PAX5: variants seen among roughly 807,000 people sequenced by gnomAD.
PAX5 encodes the protein paired box protein Pax-5.
PAX5 carries 9 observed loss-of-function variants against 43.7 expected under a neutral mutation model. The observed-to-expected ratio is 0.21, with a 90% CI of 0.12 to 0.36. PAX5 has a LOEUF of 0.36. PAX5 is among the 10% of genes least tolerant of loss of function. The probability of loss-of-function intolerance (pLI) is 1.00; values close to 1 mark genes in which losing one functional copy is unlikely to be tolerated. For synonymous variants in PAX5, 228 were observed against 214.3 expected (o/e 1.06, Z -0.56); for missense variants, 383 against 532.7 (o/e 0.72, Z 2.77).
chr9:36,961,567 A>G (rs1833977215), intron 6 of PAX5, among the ~76,000 whole-genome samples: 1 of 152,254 alleles, frequency 6.6e-6, no homozygotes, highest in African/African-American at 2.4e-5. Context: ...GATTGAAAGG[A>G]AATTAAAATG....
At chr9:36,967,500 G>A (rs113263541) in intron 5 of PAX5, among the ~76,000 whole-genome samples, 2 of 152,220 alleles carry the variant, frequency 1.3e-5, no homozygotes, top group African/African-American at 4.8e-5. Flanking sequence ...AAACTGTGCA[G>A]CAGCTGAAAA....
chr9:37,033,172 CT>C (rs1473022187), intron 1 of PAX5, among the ~76,000 whole-genome samples: 1 of 152,250 alleles, frequency 6.6e-6, no homozygotes, highest in Non-Finnish European at 1.5e-5. Context: ...AAATGGTAGC[CT>C]GAACAGTGCT....
chr9:36,859,295 A>G (rs919961786), intron 8 of PAX5, among the ~76,000 whole-genome samples: 3 of 152,126 alleles, frequency 2.0e-5, no homozygotes, highest in Admixed American at 6.5e-5. Context: ...GGCTGGGGCC[A>G]GTGTGTTTGT....
chr9:36,975,621 G>A (rs1400739829), intron 5 of PAX5, among the ~76,000 whole-genome samples: 4 of 152,128 alleles, frequency 2.6e-5, no homozygotes, highest in African/African-American at 7.2e-5. Flanking sequence ...TCCTGACCTC[G>A]TGATTCATCC....
At chr9:36,934,273 G>C (rs1284820998) in intron 6 of PAX5, among the ~76,000 whole-genome samples, 1 of 152,268 alleles carries the variant, frequency 6.6e-6, no homozygotes, top group African/African-American at 2.4e-5. Flanking sequence ...CCAGAAGAGA[G>C]ATCAGAATAA....
intron 8 of PAX5, chr9:36,860,832 A>T: frequency 6.6e-6 from 1 of 152,238 alleles, no homozygotes; most frequent in Middle Eastern, 3.1e-3. Context: ...TGAGCTTGAC[A>T]GGGCCATTCC....
At chr9:37,020,931 G>C (rs1001925293) in intron 1 of PAX5, 130 bp from the exon 2 acceptor site, 1 of 871,850 alleles carries the variant, frequency 1.1e-6, no homozygotes, top group East Asian at 2.5e-5. Context: ...CTCGCGCCTG[G>C]AGTCCAATCG....
At chr9:36,862,145 T>C (rs528570797) in intron 8 of PAX5, among the ~76,000 whole-genome samples, 1,532 of 152,180 alleles carry the variant, frequency 0.01, 25 homozygotes, top group African/African-American at 0.035. Context: ...ATCTTGGGCC[T>C]CTCTACCTCT....
At chr9:36,890,798 G>T (rs906655195) in intron 7 of PAX5, among the ~76,000 whole-genome samples, 2 of 152,140 alleles carry the variant, frequency 1.3e-5, no homozygotes, top group African/African-American at 4.8e-5. Context: ...TAAGCATAAG[G>T]CACTTACAGA....
intron 1 of PAX5, among the ~76,000 whole-genome samples, chr9:37,033,630 G>A (rs1328509797): frequency 4.2e-5 from 5 of 119,876 alleles, no homozygotes; most frequent in African/African-American, 1.5e-4. Context: ...ACACACACAG[G>A]CAAACAACTT....
chr9:36,973,093 A>C (rs56765047), intron 5 of PAX5, among the ~76,000 whole-genome samples: 12,742 of 84,678 alleles, frequency 0.15, 766 homozygotes, highest in African/African-American at 0.22. Context: ...CGGAAAGGAA[A>C]GGAAAGGAAA....
At chr9:36,978,130 C>G (rs562343501) in intron 5 of PAX5, among the ~76,000 whole-genome samples, 1 of 152,330 alleles carries the variant, frequency 6.6e-6, no homozygotes, top group East Asian at 1.9e-4. Context: ...TAAAATGAAT[C>G]AAGATGACCT....
chr9:36,840,512 A>C lies in PAX5; in HGVS notation c.*48T>G. ...TCTTCAGGAGGGCTGGGTGGCTGTC[A>C]CCCTCAATAGGTGCCATCAGTGTTT... is the stretch of plus-strand genomic sequence containing the variant. On this transcript the variant is annotated 3_prime_UTR_variant, in exon 10 of 10. Transcript: ENST00000358127. 6.5e-7 allele frequency: 1 copy of C among 1,545,216 alleles called. No individual in the cohort carries two copies. Among genetic ancestry groups the C allele is most frequent in the South Asian group, 1.2e-5 (1 of 84,366 alleles).
intron 6 of PAX5, among the ~76,000 whole-genome samples, chr9:36,947,831 G>C (rs1457982445): frequency 6.6e-6 from 1 of 150,496 alleles, no homozygotes; most frequent in Non-Finnish European, 1.5e-5. Context: ...ATATGCATAT[G>C]TCTCCATGCT....
At chr9:36,995,721 G>T (rs768920013) in intron 5 of PAX5, among the ~76,000 whole-genome samples, 1 of 152,126 alleles carries the variant, frequency 6.6e-6, no homozygotes, top group South Asian at 2.1e-4. Context: ...TGCGAATGAC[G>T]GAGCGGGGCG....
chr9:36,851,361 T>C (rs7852051), intron 8 of PAX5, among the ~76,000 whole-genome samples: 106,106 of 151,932 alleles, frequency 0.7, 37,673 homozygotes, highest in Non-Finnish European at 0.77. Context: ...TTTTCAGTTG[T>C]CTGTTGGGTG....
At chr9:36,977,633 C>T (rs989036869) in intron 5 of PAX5, among the ~76,000 whole-genome samples, 1 of 152,112 alleles carries the variant, frequency 6.6e-6, no homozygotes, top group Admixed American at 6.5e-5. Flanking sequence ...CAGGTTCAAG[C>T]GATTCTCCTG....
At chr9:36,988,219 A>C (rs762403683) in intron 5 of PAX5, among the ~76,000 whole-genome samples, 7 of 152,096 alleles carry the variant, frequency 4.6e-5, no homozygotes, top group Non-Finnish European at 8.8e-5. Context: ...GGCTCACCTT[A>C]CTTCTGACAG....
rs143818320 is a variant in PAX5 at position 37,024,812 on chromosome 9, C to T, written c.47-4011G>A. Among the ~76,000 whole-genome samples, 514 of 152,212 alleles carry T rather than the reference C, an allele frequency of 3.4e-3. 4 individuals carry two copies. Among genetic ancestry groups the T allele is most frequent in the African/African-American group, 0.012 (486 of 41,446 alleles). Reference sequence around the variant, plus strand: ...AGCCGAGAGACCACCAGGTCTGATGCTATCTCCCCAAGGGCTAGGGCACAA... The same window carrying T: ...AGCCGAGAGACCACCAGGTCTGATGTTATCTCCCCAAGGGCTAGGGCACAA... On this transcript the variant is annotated intron_variant, in intron 1 of 9. Coordinates refer to ENST00000358127, the MANE Select transcript of PAX5 (RefSeq NM_016734.3).
Sources: allele counts gnomAD v4.1 joint callset (sites outside exome capture counted in the v4.1 genomes callset), GRCh38; gene constraint gnomAD v4.1.1; transcripts MANE v1.5; gene names NCBI Gene and HGNC (gene_info 2026-07-23, HGNC 2026-07-21).